Variants in STXBP2 observed in about 807,000 individuals in gnomAD.
STXBP2 encodes syntaxin binding protein 2, also known as syntaxin-binding protein 2.
Under a neutral mutation model 72.2 loss-of-function variants are expected in STXBP2, and 47 were observed. The ratio of observed to expected loss-of-function variants is 0.65; its 90% confidence interval spans 0.51 to 0.83. The LOEUF (loss-of-function observed/expected upper bound fraction) is 0.83, where lower values mean the gene tolerates loss of function less well. STXBP2 is among the 40% of genes least tolerant of loss of function. The probability of loss-of-function intolerance (pLI) is 0.00; values close to 1 mark genes in which losing one functional copy is unlikely to be tolerated. For synonymous variants in STXBP2, 367 were observed against 338.7 expected (o/e 1.08, Z -0.92); for missense variants, 702 against 807.6 (o/e 0.87, Z 1.58).
Position 7,647,853 on chromosome 19 carries a change from ACT to A in STXBP2, c.*46_*47del, listed in dbSNP as rs774687898. 1.3e-6 allele frequency: 2 copies of A among 1,546,762 alleles called. No individual in the cohort carries two copies. Among genetic ancestry groups the A allele is most frequent in the Admixed American group, 1.7e-5 (1 of 59,426 alleles). On this transcript the variant is annotated 3_prime_UTR_variant, in exon 19 of 19. Coordinates refer to ENST00000221283, the MANE Select transcript of STXBP2 (RefSeq NM_006949.4). ...TACCCCTCCCTTTCCAGAGAAATAA[ACT>A]CTTCCCGTCGCTCTGCCAGCCAGTG...
chr19:7,639,944 G>GTCCA, intron 4 of STXBP2, 137 bp downstream of exon 4: 1 of 872,420 alleles, frequency 1.1e-6, no homozygotes, highest in Non-Finnish European at 1.8e-6. Context: ...GTGTGCATGT[G>GTCCA]TGTGCATGTG....
the STXBP2 span, chr19:7,630,373 C>T: frequency 1.5e-5 from 9 of 592,014 alleles, 1 homozygote; most frequent in Admixed American, 2.7e-4. Context: ...AGGGAACTTT[C>T]AGGAATGAGG....
chr19:7,640,740 G>T lies in STXBP2; in HGVS notation c.256G>T (p.Ala86Ser). The change falls in exon 5 of 19, where the codon GCC becomes TCC. Residue 86 changes from alanine to serine, a missense_variant. Coordinates refer to ENST00000221283, the MANE Select transcript of STXBP2 (RefSeq NM_006949.4). ...GATCCACCTTCCCCAGTCGGTTCAG[G>T]CCCTGATCAAAGACTTCCAGGGGAC... The part of the protein sequence containing the change: ...LLSPTEKSVQ[A>S]LIKDFQGTPT... 1 of 1,614,206 alleles carries T rather than the reference G, an allele frequency of 6.2e-7. No homozygotes were observed. Among genetic ancestry groups the T allele is most frequent in the Non-Finnish European group, 8.5e-7 (1 of 1,180,014 alleles).
Position 7,640,808 on chromosome 19 carries a change from C to T in STXBP2, c.324C>T (p.Asp108=). 1 of 1,614,196 alleles carries T rather than the reference C, an allele frequency of 6.2e-7. No individual in the cohort carries two copies. The highest frequency in any genetic ancestry group is 8.5e-7 in the Non-Finnish European group (1 of 1,180,020). ...AAGCGGCCCATATCTTCTTCACCGA[C>T]AGTGAGTGAGGAGAGCCTAGGGTGT... The part of the protein sequence containing the change: ...TYKAAHIFFT[D]TCPEPLFSEL... Residue 108 remains aspartate, a splice_region_variant and synonymous_variant, in exon 5 of 19, where the codon GAC becomes GAT. Transcript: ENST00000221283.
chr19:7,630,085 C>G, the STXBP2 span: 1 of 487,712 alleles, frequency 2.1e-6, no homozygotes, highest in Non-Finnish European at 3.5e-6. Context: ...AGGGCTGGTC[C>G]GAGGAAGGAC....
upstream of STXBP2, chr19:7,632,734 C>A (rs868539711): frequency 2.6e-6 from 4 of 1,561,400 alleles, no homozygotes; most frequent in South Asian, 3.5e-5. The surrounding 1 kb of genome is among the most constrained non-coding windows in gnomAD (Gnocchi z 5.2). Context: ...GTGGTCTGGC[C>A]CGGCCCGGCT....
At chr19:7,639,164 C>G in intron 3 of STXBP2, 64 bp downstream of exon 3, 1 of 1,547,058 alleles carries the variant, frequency 6.5e-7, no homozygotes, top group Non-Finnish European at 8.9e-7. Flanking sequence ...GTGCCCCTCT[C>G]CCAGGGTTCA....
chr19:7,640,991 C>G lies in STXBP2; in HGVS notation c.417C>G (p.Pro139=), dbSNP rs756584035. The change falls in exon 6 of 19, where the codon CCC becomes CCG. Residue 139 remains proline, a synonymous_variant. Coordinates refer to ENST00000221283, the MANE Select transcript of STXBP2 (RefSeq NM_006949.4). The stretch of plus-strand genomic sequence containing the variant: ...AGGAGATTCACCTTGCCTTCCTCCC[C>G]TACGAGGCCCAGGTACGGCCCGGGC... ...TLKEIHLAFL[P]YEAQVFSLDA... is the part of the protein sequence containing the mutation. The G allele has an allele frequency of 5.6e-6, 9 of 1,614,162 alleles. No homozygotes were observed. The South Asian group carries it at 8.8e-5, about 16-fold the overall frequency.
Position 7,642,547 on chromosome 19 carries a change from A to G in STXBP2, c.902+11A>G, listed in dbSNP as rs1033477720. 8.1e-6 allele frequency: 13 copies of G among 1,612,840 alleles called. No homozygotes were observed. The Admixed American group carries it at 1.8e-4, about 23-fold the overall frequency. ...CGCAGATGTGTCCAAGTGCGTGCAC[A>G]CGGGGACCGGATCCCCCCCCCACCG... On this transcript the variant is annotated intron_variant, in intron 10 of 18. Coordinates refer to ENST00000221283, the MANE Select transcript of STXBP2 (RefSeq NM_006949.4). The surrounding 1 kb of genome is among the most constrained non-coding windows in gnomAD (Gnocchi z 6.0).
chr19:7,638,997 A>C, intron 2 of STXBP2, 22 bp from the exon 3 acceptor site: 1 of 1,613,858 alleles, frequency 6.2e-7, no homozygotes, highest in Non-Finnish European at 8.5e-7. Context: ...TCCTCCATCC[A>C]TCTGTCCATC....
At chr19:7,640,473 T>G in intron 4 of STXBP2, 1 of 682,528 alleles carries the variant, frequency 1.5e-6, no homozygotes. Context: ...CATCTCTGTG[T>G]GTGCATGTGT....
the STXBP2 span, chr19:7,629,875 G>A: frequency 2.0e-6 from 3 of 1,528,626 alleles, no homozygotes; most frequent in African/African-American, 4.1e-5. Context: ...GTGGACACAG[G>A]AGTGGGTTGG....
chr19:7,631,248 G>A, the STXBP2 span: 100 of 1,412,570 alleles, frequency 7.1e-5, no homozygotes, highest in Non-Finnish European at 8.8e-5. Flanking sequence ...GTAAGGAACC[G>A]AGAGCAGAGG....
intron 1 of STXBP2, 144 bp downstream of exon 1, chr19:7,637,330 G>A: frequency 2.8e-6 from 2 of 724,490 alleles, no homozygotes; most frequent in East Asian, 3.5e-5. Flanking sequence ...CGAGGGGGCG[G>A]GCGGGGACGG....
chr19:7,639,270 A>C (rs2031692970), intron 3 of STXBP2, 170 bp downstream of exon 3: 1 of 766,354 alleles, frequency 1.3e-6, no homozygotes, highest in African/African-American at 1.7e-5. Context: ...ATCCATTCTT[A>C]AACCTTGCAA....
upstream of STXBP2, among the ~76,000 whole-genome samples, chr19:7,633,254 C>A (rs936352972): frequency 3.9e-5 from 6 of 152,222 alleles, no homozygotes; most frequent in Non-Finnish European, 8.8e-5. Flanking sequence ...GGCACTCAGA[C>A]CCCCAAGCCC....
At chr19:7,645,933 T>A (rs1300908341) in intron 15 of STXBP2, 1 of 483,262 alleles carries the variant, frequency 2.1e-6, no homozygotes, top group Non-Finnish European at 3.7e-6. Flanking sequence ...TCTCTCTGTT[T>A]CCTGCTTCAT....
chr19:7,640,490 G>T, intron 4 of STXBP2: 2 of 685,204 alleles, frequency 2.9e-6, no homozygotes, highest in Non-Finnish European at 5.3e-6. Flanking sequence ...GTGTGTATGT[G>T]TGTGTGCATC....
intron 13 of STXBP2, chr19:7,644,410 TG>T (rs747282909): frequency 2.5e-5 from 16 of 641,524 alleles, no homozygotes; most frequent in Non-Finnish European, 3.8e-5. Flanking sequence ...GGTGGGGCAC[TG>T]GAAAGGTGGG....
Sources: allele counts gnomAD v4.1 joint callset (sites outside exome capture counted in the v4.1 genomes callset), GRCh38; gene constraint gnomAD v4.1.1; non-coding constraint Gnocchi (gnomAD v3.1); transcripts MANE v1.5; gene names NCBI Gene and HGNC (gene_info 2026-07-23, HGNC 2026-07-21).